The following PTPRCAP variants were observed in gnomAD, a reference collection of about 807,000 sequenced individuals.
The protein encoded by PTPRCAP is protein tyrosine phosphatase receptor type C-associated protein.
For missense variants in PTPRCAP, 294 were observed against 285.5 expected (o/e 1.03, Z -0.22); for synonymous variants, 136 against 135.8 (o/e 1.00, Z -0.01).
intron 1 of PTPRCAP, chr11:67,436,788 T>C (rs1337062968): frequency 1.2e-5 from 2 of 171,774 alleles, no homozygotes; most frequent in Non-Finnish European, 1.2e-5. Flanking sequence ...CCTTTTTCCT[T>C]CCATGTCACC....
intron 1 of PTPRCAP, 113 bp from the exon 2 acceptor site, chr11:67,436,463 G>C: frequency 8.0e-7 from 1 of 1,253,220 alleles, no homozygotes; most frequent in Non-Finnish European, 1.1e-6. Flanking sequence ...GATCCTCTTG[G>C]GACAGCCAAG....
intron 1 of PTPRCAP, chr11:67,436,645 A>G: frequency 3.1e-6 from 1 of 323,068 alleles, no homozygotes; most frequent in South Asian, 8.2e-5. Flanking sequence ...ACCTCCTCCC[A>G]TCCTCCCCTC....
rs1380272612 is a variant in PTPRCAP at position 67,437,196 on chromosome 11, CGGGGGCTGGG to C, written c.3+411_3+420del. ...CCTGAGGGCCACAGGCGTGCAGGGC[CGGGGGCTGGG>C]GGGGGCTGGGGGAGGCGGGCGCAGC... is the stretch of plus-strand genomic sequence containing the variant. On this transcript the variant is annotated intron_variant, in intron 1 of 1. Transcript: ENST00000326294. 5 of 157,780 alleles carry C rather than the reference CGGGGGCTGGG, an allele frequency of 3.2e-5. No individual in the cohort carries two copies. The South Asian group carries it at 6.9e-4, about 22-fold the overall frequency. 9.8% of individuals were successfully genotyped at this position (157,780 alleles called of 1,614,324 possible). A position where few individuals can be genotyped will look rare whatever the true frequency, so the allele number is the denominator to read the frequency against.
chr11:67,436,278 C>A lies in PTPRCAP; in HGVS notation c.76G>T (p.Glu26Ter). 1 of 1,539,136 alleles carries A rather than the reference C, an allele frequency of 6.5e-7. No homozygotes were observed. The highest frequency in any genetic ancestry group is 8.7e-7 in the Non-Finnish European group (1 of 1,146,764). The change falls in exon 2 of 2, where the codon GAG (glutamate) becomes TAG (stop). Residue 26 changes from glutamate to a stop codon, truncating the protein, a stop_gained. Transcript: ENST00000326294. LOFTEE classifies it low-confidence loss of function (END_TRUNC). Reference sequence around the variant, plus strand: ...ACAGAGCTGGAGCCCACGCTGTCCTCCGCGCTGCCACCCGAGCCCAAGGCC... The same window carrying A: ...ACAGAGCTGGAGCCCACGCTGTCCTACGCGCTGCCACCCGAGCCCAAGGCC... ...PGALGSGGSA[E>*]DSVGSSSVTV...
In PTPRCAP at chr11:67,435,753, GGCCCTGGCCCCCAGCT is replaced by G; in HGVS notation, c.585_600del (p.Ala196SerfsTer?). 6.5e-7 allele frequency: 1 copy of G among 1,547,612 alleles called. No individual in the cohort carries two copies. Among genetic ancestry groups the G allele is most frequent in the Admixed American group, 1.9e-5 (1 of 53,960 alleles). On this transcript the variant is annotated frameshift_variant, in exon 2 of 2. Transcript: ENST00000326294. LOFTEE classifies it high-confidence loss of function. The stretch of plus-strand genomic sequence containing the variant: ...GGCCTCTACAGTGCGGTGACATGGA[GGCCCTGGCCCCCAGCT>G]GCCCTGGCGCTGTCATCCCAGGCTG...
At position 67,435,809 on chromosome 11, in the gene PTPRCAP, G is replaced by A; in HGVS notation, c.545C>T (p.Ala182Val). ...SAEALLSDLH[A>V]FAGSAAWDDS... ...ATCCCAGGCTGCGCTGCCAGCAAAG[G>A]CGTGCAGGTCACTCAGCAGGGCCTC... The change falls in exon 2 of 2, where the codon GCC becomes GTC. Residue 182 changes from alanine (A) to valine (V), a missense_variant. Transcript: ENST00000326294. 6.2e-7 allele frequency: 1 copy of A among 1,600,824 alleles called. No homozygotes were observed. Among genetic ancestry groups the A allele is most frequent in the Non-Finnish European group, 8.5e-7 (1 of 1,174,686 alleles).
In PTPRCAP at chr11:67,436,053, C is replaced by T. The variant is rs955645952; in HGVS notation, c.301G>A (p.Asp101Asn). 6.2e-7 allele frequency: 1 copy of T among 1,613,446 alleles called. No homozygotes were observed. The highest frequency in any genetic ancestry group is 8.5e-7 in the Non-Finnish European group (1 of 1,179,850). The change falls in exon 2 of 2, where the codon GAC becomes AAC. Residue 101 changes from aspartate (D) to asparagine (N), a missense_variant. Coordinates refer to ENST00000326294, the MANE Select transcript of PTPRCAP (RefSeq NM_005608.3). Reference sequence around the variant, plus strand: ...TCCTCCTGTCGCTCAAGGTCATTGTCTGTGGACCCCAGCTCAGCTCGGGCC... The same window carrying T: ...TCCTCCTGTCGCTCAAGGTCATTGTTTGTGGACCCCAGCTCAGCTCGGGCC... ...LQARAELGST[D>N]NDLERQEDEQ...
At position 67,436,274 on chromosome 11, in the gene PTPRCAP, T is replaced by TCCTCCGCGCTGC; in HGVS notation, c.68_79dup (p.Gly23_Glu26dup). The TCCTCCGCGCTGC allele has an allele frequency of 1.3e-6, 2 of 1,539,600 alleles. No homozygotes were observed. The highest frequency in any genetic ancestry group is 1.7e-6 in the Non-Finnish European group (2 of 1,146,996). ...GGTGACAGAGCTGGAGCCCACGCTGTCCTCCGCGCTGCCACCCGAGCCCAA... is the reference window on the plus strand; with the variant it reads ...GGTGACAGAGCTGGAGCCCACGCTGTCCTCCGCGCTGCCCTCCGCGCTGCCACCCGAGCCCAA... On this transcript the variant is annotated inframe_insertion, in exon 2 of 2. Transcript: ENST00000326294.
chr11:67,437,353 C>G (rs370362190), intron 1 of PTPRCAP: 26 of 387,472 alleles, frequency 6.7e-5, no homozygotes, highest in East Asian at 5.2e-4. Context: ...AATGCAAGTT[C>G]CCGCTCACAG....
At position 67,435,558 on chromosome 11, in the gene PTPRCAP, T is replaced by TG. The variant is rs141116917; in HGVS notation, c.*174dup. On this transcript the variant is annotated 3_prime_UTR_variant, in exon 2 of 2. Transcript: ENST00000326294. ...CAAATGGTTGCCTGATGCCTGTGGT[T>TG]GGGGGGGGCCGTTCCCGTGGTGAGC... The TG allele has an allele frequency of 2.9e-3, 2,715 of 931,412 alleles. 41 individuals carry two copies. In the African/African-American group the frequency reaches 0.036, roughly 12 times the overall value. The allele number at this position is 931,412 out of a possible 1,614,324, so 57.7% of individuals were successfully genotyped here.
At position 67,436,002 on chromosome 11, in the gene PTPRCAP, C is replaced by T. The variant is rs369972242; in HGVS notation, c.352G>A (p.Val118Ile). 154 of 1,613,766 alleles carry T rather than the reference C, an allele frequency of 9.5e-5. No homozygotes were observed. Among genetic ancestry groups the T allele is most frequent in the Non-Finnish European group, 1.3e-4 (149 of 1,179,902 alleles). Reference sequence around the variant, plus strand: ...TCAGCCTGCAGGCCACCATCCGCGACGTGGTCATAGTCTGTGTCCTGCTCA... The same window carrying T: ...TCAGCCTGCAGGCCACCATCCGCGATGTGGTCATAGTCTGTGTCCTGCTCA... ...EDEQDTDYDH[V>I]ADGGLQADPG... Residue 118 changes from valine to isoleucine, a missense_variant, in exon 2 of 2, where the codon GTC becomes ATC. By Grantham distance (29) the Val-to-Ile change is conservative. Coordinates refer to ENST00000326294, the MANE Select transcript of PTPRCAP (RefSeq NM_005608.3).
Position 67,436,541 on chromosome 11 carries a change from A to G in PTPRCAP, c.4-191T>C, listed in dbSNP as rs559970788. 686 of 583,586 alleles carry G rather than the reference A, an allele frequency of 1.2e-3. 1 individual carries two copies. The highest frequency in any genetic ancestry group is 1.3e-3 in the South Asian group (37 of 28,004). The allele number at this position is 583,586 out of a possible 1,614,324, so 36.2% of individuals were successfully genotyped here. A position where few individuals can be genotyped will look rare whatever the true frequency, so the allele number is the denominator to read the frequency against. ...CTGTGAGATCAGCCCCCATCCCTCC[A>G]GCCTCCTCCCTACCACTCACCTCCC... On this transcript the variant is annotated intron_variant, in intron 1 of 1. Transcript: ENST00000326294.
Position 67,436,061 on chromosome 11 carries a change from C to T in PTPRCAP, c.293G>A (p.Gly98Glu), listed in dbSNP as rs561683771. The T allele has an allele frequency of 9.9e-6, 16 of 1,613,226 alleles. 1 individual carries two copies. In the South Asian group the frequency reaches 1.8e-4, roughly 18 times the overall value. The change falls in exon 2 of 2, where the codon GGG (glycine) becomes GAG (glutamate). Residue 98 changes from glycine to glutamate, a missense_variant. Gly to Glu is a moderately conservative substitution (Grantham distance 98). Coordinates refer to ENST00000326294, the MANE Select transcript of PTPRCAP (RefSeq NM_005608.3). ...TCGCTCAAGGTCATTGTCTGTGGAC[C>T]CCAGCTCAGCTCGGGCCTGCAGCCA... ...GRWLQARAEL[G>E]STDNDLERQE...
chr11:67,435,955 T>C lies in PTPRCAP; in HGVS notation c.399A>G (p.Gln133=). 1.2e-6 allele frequency: 2 copies of C among 1,613,452 alleles called. No individual in the cohort carries two copies. Among genetic ancestry groups the C allele is most frequent in the East Asian group, 4.5e-5 (2 of 44,884 alleles). Residue 133 remains glutamine (Q), a synonymous_variant, in exon 2 of 2, where the codon CAA becomes CAG. Transcript: ENST00000326294. ...GCTCTGGGCTGGACGCCTCTCCACA[T>C]TGCTGCTCGCCTTCCCCAGGGTCAG... ...LQADPGEGEQ[Q]CGEASSPEQV...
intron 1 of PTPRCAP, 114 bp downstream of exon 1, chr11:67,437,503 T>C: frequency 8.2e-7 from 1 of 1,217,914 alleles, no homozygotes; most frequent in East Asian, 2.8e-5. Flanking sequence ...CTCTTAGGTC[T>C]CACCTCTTCC....
intron 1 of PTPRCAP, 42 bp from the exon 2 acceptor site, chr11:67,436,392 G>C (rs867259279): frequency 7.0e-7 from 1 of 1,426,124 alleles, no homozygotes; most frequent in East Asian, 2.6e-5. Context: ...CAGCACCTGG[G>C]GTGGGGCCTG....
chr11:67,437,642 C>G lies in PTPRCAP; in HGVS notation c.-23G>C. 1 of 1,364,996 alleles carries G rather than the reference C, an allele frequency of 7.3e-7. No individual in the cohort carries two copies. Among genetic ancestry groups the G allele is most frequent in the Non-Finnish European group, 9.5e-7 (1 of 1,050,484 alleles). The allele number at this position is 1,364,996 out of a possible 1,614,324, so 84.6% of individuals were successfully genotyped here. On this transcript the variant is annotated 5_prime_UTR_variant, in exon 1 of 2. Transcript: ENST00000326294. ...CATTGGTCCGCAGGCCCCTCCGTGC[C>G]GGGCACCCACCTCCAGCTCTGGCTG... is the stretch of plus-strand genomic sequence containing the variant.
At chr11:67,437,375 A>G (rs1864309094) in intron 1 of PTPRCAP, 2 of 402,336 alleles carry the variant, frequency 5.0e-6, no homozygotes, top group Admixed American at 9.0e-5. Flanking sequence ...AAGACCAGGT[A>G]AGGGCCTTCC....
chr11:67,435,555 G>T lies in PTPRCAP; in HGVS notation c.*178C>A. 1 of 909,894 alleles carries T rather than the reference G, an allele frequency of 1.1e-6. No homozygotes were observed. Among genetic ancestry groups the T allele is most frequent in the Non-Finnish European group, 1.6e-6 (1 of 637,414 alleles). 56.4% of individuals were successfully genotyped at this position (909,894 alleles called of 1,614,324 possible). Reference sequence around the variant, plus strand: ...TTTCAAATGGTTGCCTGATGCCTGTGGTTGGGGGGGGCCGTTCCCGTGGTG... The same window carrying T: ...TTTCAAATGGTTGCCTGATGCCTGTTGTTGGGGGGGGCCGTTCCCGTGGTG... On this transcript the variant is annotated 3_prime_UTR_variant, in exon 2 of 2. Transcript: ENST00000326294.
Sources: allele counts gnomAD v4.1 joint callset, GRCh38; gene constraint gnomAD v4.1.1; transcripts MANE v1.5; gene names NCBI Gene and HGNC (gene_info 2026-07-23, HGNC 2026-07-21).